The following PLAC9 variants were observed in gnomAD, a reference collection of about 807,000 sequenced individuals.
The protein encoded by PLAC9 is placenta associated 9.
A neutral mutation model predicts 11.5 loss-of-function variants in PLAC9; 12 were observed. The observed-to-expected ratio is 1.05, with a 90% confidence interval of 0.67 to 1.69. The LOEUF (loss-of-function observed/expected upper bound fraction) is 1.69, where lower values mean the gene tolerates loss of function less well. Among genes scored for constraint, PLAC9 ranks in the 40% most tolerant of loss-of-function variants. The pLI, the probability that PLAC9 is intolerant of heterozygous loss-of-function variation, is 0.00. For synonymous variants in PLAC9, 62 were observed against 58.1 expected (o/e 1.07, Z -0.31); for missense variants, 132 against 130.5 (o/e 1.01, Z -0.06).
At chr10:80,141,406 C>T (rs1589405110) in intron 1 of PLAC9, among the ~76,000 whole-genome samples, 1 of 152,072 alleles carries the variant, frequency 6.6e-6, no homozygotes, top group Non-Finnish European at 1.5e-5. Flanking sequence ...TGAGACCAGG[C>T]TGACCAACAT....
intron 1 of PLAC9, among the ~76,000 whole-genome samples, chr10:80,140,532 G>C (rs1383743522): frequency 6.6e-6 from 1 of 152,072 alleles, no homozygotes; most frequent in Non-Finnish European, 1.5e-5. Context: ...TTGACTTCTG[G>C]GGCAGCACCC....
intron 3 of PLAC9, 91 bp downstream of exon 3, chr10:80,144,434 G>T (rs1845077394): frequency 7.0e-7 from 1 of 1,437,376 alleles, no homozygotes; most frequent in African/African-American, 1.4e-5. Flanking sequence ...CACTGCACAG[G>T]TGTAGCCTGG....
At chr10:80,135,748 C>T (rs906538210) in intron 1 of PLAC9, among the ~76,000 whole-genome samples, 1 of 152,124 alleles carries the variant, frequency 6.6e-6, no homozygotes, top group Admixed American at 6.6e-5. Context: ...TATAAAATCA[C>T]TTGAAGAATA....
chr10:80,135,015 T>C (rs1391601732), intron 1 of PLAC9, among the ~76,000 whole-genome samples: 1 of 48,122 alleles, frequency 2.1e-5, no homozygotes, highest in Non-Finnish European at 6.3e-5. Context: ...TGTTTGTTTG[T>C]TTATTTATTT....
chr10:80,144,827 C>A (rs1323819179), intron 3 of PLAC9, 73 bp from the exon 4 acceptor site: 9 of 1,457,988 alleles, frequency 6.2e-6, no homozygotes, highest in Non-Finnish European at 6.4e-6. Flanking sequence ...AGGGAAGGAA[C>A]TGCTGGGCAC....
chr10:80,144,291 G>T lies in PLAC9; in HGVS notation c.231G>T (p.Leu77=), dbSNP rs1845074877. The change falls in exon 3 of 4, where the codon CTG becomes CTT. Residue 77 remains leucine (L), a synonymous_variant. Coordinates refer to ENST00000372263, the MANE Select transcript of PLAC9 (RefSeq NM_001012973.3). ...GCCTGCTGGGCCTGCTGGAGGAGCT[G>T]GCCTGGAACCTGCCCCCGGGACCCT... The part of the protein sequence containing the change: ...VKGLLGLLEE[L]AWNLPPGPFS... The T allele has an allele frequency of 6.2e-7, 1 of 1,613,332 alleles. No homozygotes were observed. The highest frequency in any genetic ancestry group is 8.5e-7 in the Non-Finnish European group (1 of 1,180,028).
intron 2 of PLAC9, 36 bp downstream of exon 2, chr10:80,142,215 G>C: frequency 6.5e-7 from 1 of 1,533,002 alleles, no homozygotes; most frequent in South Asian, 1.1e-5. Context: ...GCGAGTTCAG[G>C]ACCACCTTCT....
rs1845088919 is a variant in PLAC9, at chr10:80,145,139, C to A, written c.*229C>A. 1.5e-6 allele frequency: 1 copy of A among 668,018 alleles called. No individual in the cohort carries two copies. The highest frequency in any genetic ancestry group is 2.7e-6 in the Non-Finnish European group (1 of 375,714). 41.4% of individuals were successfully genotyped at this position (668,018 alleles called of 1,614,324 possible). ...CCCTCCAGGCTCAGACCTGGGGACA[C>A]CCCCACTCCTGTCATTTATAGGGGC... On this transcript the variant is annotated 3_prime_UTR_variant, in exon 4 of 4. Transcript: ENST00000372263.
chr10:80,138,243 G>A lies in PLAC9; in HGVS notation c.65-3839G>A, dbSNP rs76128315. On this transcript the variant is annotated intron_variant, in intron 1 of 3. Transcript: ENST00000372263. ...CATCCTGTTTGCTCTAAACATCCACGCATGCCTCTCCACCATCCCCACTGA... is the reference window on the plus strand; with the variant it reads ...CATCCTGTTTGCTCTAAACATCCACACATGCCTCTCCACCATCCCCACTGA... 4.6e-3 allele frequency among the ~76,000 whole-genome samples: 706 copies of A among 152,148 alleles called. 2 individuals are homozygous for A. The highest frequency in any genetic ancestry group is 0.015 in the African/African-American group (634 of 41,518).
chr10:80,144,392 G>A (rs768027438), intron 3 of PLAC9, 49 bp downstream of exon 3: 4 of 1,529,638 alleles, frequency 2.6e-6, no homozygotes, highest in Admixed American at 2.1e-5. Flanking sequence ...CTGTCATCTG[G>A]CGCTGGGCAG....
chr10:80,134,891 C>G (rs1277856177), intron 1 of PLAC9, among the ~76,000 whole-genome samples: 1 of 152,084 alleles, frequency 6.6e-6, no homozygotes, highest in Non-Finnish European at 1.5e-5. Flanking sequence ...GTAAAGTTTT[C>G]CACATTTAGA....
chr10:80,143,800 A>G (rs947459364), intron 2 of PLAC9, among the ~76,000 whole-genome samples: 13 of 152,164 alleles, frequency 8.5e-5, no homozygotes, highest in African/African-American at 3.1e-4. Flanking sequence ...TGTAGGCTTC[A>G]CCACACTGCC....
intron 1 of PLAC9, among the ~76,000 whole-genome samples, chr10:80,134,994 CA>C (rs1392910425): frequency 1.1e-4 from 16 of 144,426 alleles, no homozygotes; most frequent in African/African-American, 3.9e-4. Context: ...GTCCAACTTC[CA>C]ACCTTGGTTT....
chr10:80,135,713 G>A (rs915798496), intron 1 of PLAC9, among the ~76,000 whole-genome samples: 15 of 152,170 alleles, frequency 9.9e-5, no homozygotes, highest in African/African-American at 3.6e-4. Flanking sequence ...GAGCCACCAC[G>A]CCCGGCCCAT....
At chr10:80,132,488 C>A (rs1295126981), upstream of PLAC9, 1 of 405,488 alleles carries the variant, frequency 2.5e-6, no homozygotes, top group East Asian at 4.2e-5. Context: ...CCCTCCCGGG[C>A]TCCCAGGAGG....
At chr10:80,134,594 TC>T (rs1844952412) in intron 1 of PLAC9, among the ~76,000 whole-genome samples, 1 of 152,158 alleles carries the variant, frequency 6.6e-6, no homozygotes, top group Non-Finnish European at 1.5e-5. Flanking sequence ...TATAAATATT[TC>T]TTTGTGTACC....
intron 2 of PLAC9, among the ~76,000 whole-genome samples, chr10:80,143,050 A>AT (rs57098442): frequency 0.46 from 69,051 of 149,894 alleles, 16,122 homozygotes; most frequent in East Asian, 0.57. Flanking sequence ...AAAAATTTAA[A>AT]TTTTTTTTTG....
chr10:80,131,986 A>G (rs2132330193), upstream of PLAC9, among the ~76,000 whole-genome samples: 1 of 152,282 alleles, frequency 6.6e-6, no homozygotes, highest in East Asian at 1.9e-4. Flanking sequence ...ACTAAAACTT[A>G]ATTTGTTGTT....
intron 2 of PLAC9, 70 bp downstream of exon 2, chr10:80,142,249 T>G (rs1311149844): frequency 3.8e-6 from 5 of 1,299,928 alleles, no homozygotes; most frequent in South Asian, 1.3e-5. Context: ...TATGGGCAGA[T>G]GCAAGCTTGC....
Sources: gnomAD v4.1 joint callset for allele counts (sites outside exome capture counted in the v4.1 genomes callset) on GRCh38, gnomAD v4.1.1 for gene constraint, MANE v1.5 for transcripts, NCBI Gene and HGNC (gene_info 2026-07-23, HGNC 2026-07-21) for gene names.